ADAMTS20: variants seen among roughly 807,000 people sequenced by gnomAD.
The protein encoded by ADAMTS20 is A disintegrin and metalloproteinase with thrombospondin motifs 20.
A neutral mutation model predicts 260.1 loss-of-function variants in ADAMTS20; 225 were observed. The ratio of observed to expected loss-of-function variants is 0.87; its 90% CI spans 0.78 to 0.97. The LOEUF (loss-of-function observed/expected upper bound fraction) is 0.97, where lower values mean the gene tolerates loss of function less well. Among genes scored for constraint, ADAMTS20 ranks in the 50% least tolerant of loss-of-function variants. The probability of loss-of-function intolerance (pLI) is 0.00; values close to 1 mark genes in which losing one functional copy is unlikely to be tolerated. For missense variants in ADAMTS20, 2,400 were observed against 2,337.7 expected (o/e 1.03, Z -0.55); for synonymous variants, 802 against 769.5 (o/e 1.04, Z -0.70).
intron 28 of ADAMTS20, 131 bp downstream of exon 28, chr12:43,425,383 A>G: frequency 1.3e-6 from 1 of 780,722 alleles, no homozygotes; most frequent in East Asian, 3.2e-5. Flanking sequence ...CTATGCAGCA[A>G]ACCTGCACAT....
At chr12:43,437,644 A>T (rs941168243) in intron 18 of ADAMTS20, among the ~76,000 whole-genome samples, 1 of 152,230 alleles carries the variant, frequency 6.6e-6, no homozygotes, top group Non-Finnish European at 1.5e-5. Flanking sequence ...GAATATAGTT[A>T]TGTCATTTTC....
intron 14 of ADAMTS20, among the ~76,000 whole-genome samples, chr12:43,448,129 G>A (rs1941796271): frequency 6.6e-6 from 1 of 151,742 alleles, no homozygotes; most frequent in South Asian, 2.1e-4. Flanking sequence ...TATAGAACTA[G>A]AGAAAACTAT....
intron 31 of ADAMTS20, 88 bp from the exon 32 acceptor site, chr12:43,377,650 G>C: frequency 9.8e-7 from 1 of 1,016,038 alleles, no homozygotes; most frequent in Non-Finnish European, 1.4e-6. Context: ...ATATTATGCT[G>C]TGTCATTTCC....
intron 27 of ADAMTS20, 115 bp downstream of exon 27, chr12:43,427,193 A>G (rs1370769194): frequency 2.4e-6 from 3 of 1,248,332 alleles, no homozygotes; most frequent in Non-Finnish European, 3.2e-6. Context: ...AAAAACAAAA[A>G]TTCTTTTTCT....
At chr12:43,400,992 C>T (rs1452000797) in intron 28 of ADAMTS20, among the ~76,000 whole-genome samples, 1 of 151,854 alleles carries the variant, frequency 6.6e-6, no homozygotes, top group African/African-American at 2.4e-5. Context: ...CTAAATGATA[C>T]ACATCATCTA....
chr12:43,532,062 T>G lies in ADAMTS20; in HGVS notation c.587A>C (p.Gln196Pro), dbSNP rs201308281. The G allele has an allele frequency of 1.4e-4, 223 of 1,604,334 alleles. No homozygotes were observed. The highest frequency in any genetic ancestry group is 1.7e-4 in the Non-Finnish European group (198 of 1,175,074). ...TGACACACTGCAATACTTCAGAGTC[T>G]GCAGAAAAGAGTTATTTAAGTCTTG... is the stretch of plus-strand genomic sequence containing the variant. ...YRQDLNNSFL[Q>P]TLKYCSVSES... The change falls in exon 3 of 39, where the codon CAG becomes CCG. Residue 196 changes from glutamine to proline, a missense_variant. Coordinates refer to ENST00000389420, the MANE Select transcript of ADAMTS20 (RefSeq NM_025003.5).
At chr12:43,501,338 G>C (rs1388801738) in intron 4 of ADAMTS20, among the ~76,000 whole-genome samples, 1 of 152,052 alleles carries the variant, frequency 6.6e-6, no homozygotes, top group Non-Finnish European at 1.5e-5. Context: ...GGGATTACAA[G>C]TGTGAGCTAC....
rs781240571 is a variant in ADAMTS20 at position 43,502,312 on chromosome 12, G to C, written c.707C>G (p.Thr236Arg). The change falls in exon 4 of 39, where the codon ACA (threonine) becomes AGA (arginine). Residue 236 changes from threonine (T) to arginine (R), a missense_variant. Transcript: ENST00000389420. ...ATCTTTCAATGGTACATTTTTTGAT[G>C]TGTGTCCTAAAACTCTTTCTTTCAT... ...NVMKERVLGH[T>R]SKNVPLKDER... The C allele has an allele frequency of 6.2e-7, 1 of 1,611,930 alleles. No homozygotes were observed. The highest frequency in any genetic ancestry group is 2.2e-5 in the East Asian group (1 of 44,702).
Position 43,377,512 on chromosome 12 carries a change from G to A in ADAMTS20, c.4848C>T (p.Thr1616=), listed in dbSNP as rs145474293. ...TATGTTTCTTAGTAGATGGGATCTC[G>A]GTGCAATATGTAATCCTTTGTCTGT... ...FSYRQRITYC[T]EIPSTKKHKL... Residue 1616 remains threonine (T), a synonymous_variant, in exon 32 of 39, where the codon ACC becomes ACT. Transcript: ENST00000389420. 109 of 1,613,464 alleles carry A rather than the reference G, an allele frequency of 6.8e-5. 1 individual carries two copies. The highest frequency in any genetic ancestry group is 2.8e-4 in the Admixed American group (17 of 59,978).
At chr12:43,417,737 T>C (rs1056974697) in intron 28 of ADAMTS20, among the ~76,000 whole-genome samples, 4 of 152,118 alleles carry the variant, frequency 2.6e-5, no homozygotes, top group African/African-American at 9.7e-5. Flanking sequence ...TTAGGACATA[T>C]ACTCATATTT....
chr12:43,361,894 C>T (rs1188465535), intron 37 of ADAMTS20, among the ~76,000 whole-genome samples: 1 of 152,076 alleles, frequency 6.6e-6, no homozygotes, highest in Non-Finnish European at 1.5e-5. Context: ...CTTGTATATG[C>T]GTCTCCTGTG....
intron 4 of ADAMTS20, among the ~76,000 whole-genome samples, chr12:43,501,503 ATGTAAGGATGAAGCGTGATG>A: frequency 1.0e-5 from 1 of 96,942 alleles, no homozygotes. Flanking sequence ...ACACACACAC[ATGTAAGGATGAAGCGTGATG>A]CCACTTACAC....
intron 14 of ADAMTS20, among the ~76,000 whole-genome samples, chr12:43,450,091 C>G (rs55893722): frequency 6.6e-6 from 1 of 151,970 alleles, no homozygotes; most frequent in Non-Finnish European, 1.5e-5. Context: ...CCTTAGAACT[C>G]TGCAAATAGT....
chr12:43,466,164 A>G (rs1942148611), intron 9 of ADAMTS20, among the ~76,000 whole-genome samples: 1 of 152,040 alleles, frequency 6.6e-6, no homozygotes. Context: ...CTCCTGAAAG[A>G]ATATGTAAAG....
chr12:43,476,738 C>T (rs1165755209), intron 7 of ADAMTS20, among the ~76,000 whole-genome samples: 5 of 126,186 alleles, frequency 4.0e-5, no homozygotes, highest in East Asian at 2.6e-4. Flanking sequence ...AGTAAACTAT[C>T]ACAAGAACAA....
At chr12:43,411,798 A>G (rs1941037320) in intron 28 of ADAMTS20, among the ~76,000 whole-genome samples, 1 of 152,238 alleles carries the variant, frequency 6.6e-6, no homozygotes, top group Admixed American at 6.5e-5. Context: ...AATCTGTAAG[A>G]AACTGAGTTT....
rs1476850155 is a variant in ADAMTS20 at position 43,452,406 on chromosome 12, G to A, written c.1947C>T (p.Gly649=). Residue 649 remains glycine, a synonymous_variant, in exon 14 of 39, where the codon GGC becomes GGT. Coordinates refer to ENST00000389420, the MANE Select transcript of ADAMTS20 (RefSeq NM_025003.5). ...AATAGAGTTTACAACGATCCTTTGT[G>A]CCAACTGTAAAAAAGAAAAAGGTCA... ...VRWLPRYSGI[G]TKDRCKLYCQ... 7 of 1,608,396 alleles carry A rather than the reference G, an allele frequency of 4.4e-6. No homozygotes were observed. The highest frequency in any genetic ancestry group is 4.2e-6 in the Non-Finnish European group (5 of 1,178,456).
At chr12:43,526,207 G>A (rs545215411) in intron 3 of ADAMTS20, among the ~76,000 whole-genome samples, 1 of 152,322 alleles carries the variant, frequency 6.6e-6, no homozygotes, top group East Asian at 1.9e-4. Context: ...CTGTAATCCA[G>A]CACTACGGGA....
chr12:43,376,412 T>TC, intron 33 of ADAMTS20, 82 bp from the exon 34 acceptor site: 1 of 1,442,054 alleles, frequency 6.9e-7, no homozygotes, highest in Non-Finnish European at 9.4e-7. Context: ...ATTGCTACAC[T>TC]CTGAATATCT....
Sources: allele counts gnomAD v4.1 joint callset (sites outside exome capture counted in the v4.1 genomes callset), GRCh38; gene constraint gnomAD v4.1.1; transcripts MANE v1.5; gene names NCBI Gene and HGNC (gene_info 2026-07-23, HGNC 2026-07-21).